SCN8A: variants seen among roughly 807,000 people sequenced by gnomAD.
The protein encoded by SCN8A is sodium voltage-gated channel alpha subunit 8.
SCN8A carries 30 observed loss-of-function variants against 184.1 expected under a neutral mutation model. The ratio of observed to expected loss-of-function variants is 0.16; its 90% CI spans 0.12 to 0.22. The LOEUF (loss-of-function observed/expected upper bound fraction) is 0.22, where lower values mean the gene tolerates loss of function less well. Ranked by LOEUF, SCN8A falls within the 10% of genes least tolerant of loss-of-function variation. The pLI is 1.00. For missense variants in SCN8A, 1,057 were observed against 2,498.9 expected, an observed-to-expected ratio of 0.42 and a Z score of 12.30; for synonymous variants, 852 against 907.0, an observed-to-expected ratio of 0.94 and a Z score of 1.09.
At chr12:51,647,110 G>A (rs1940608169) in intron 1 of SCN8A, among the ~76,000 whole-genome samples, 1 of 152,178 alleles carries the variant, frequency 6.6e-6, no homozygotes, top group Non-Finnish European at 1.5e-5. Context: ...TTGGGAGGCT[G>A]AGGCAGGAGG....
At chr12:51,642,472 T>G (rs1249207330) in intron 1 of SCN8A, among the ~76,000 whole-genome samples, 2 of 152,210 alleles carry the variant, frequency 1.3e-5, no homozygotes, top group African/African-American at 4.8e-5. Flanking sequence ...GTTTGCAATT[T>G]GTCACTCTGT....
intron 12 of SCN8A, among the ~76,000 whole-genome samples, chr12:51,727,809 A>G (rs1942179041): frequency 6.6e-6 from 1 of 152,156 alleles, no homozygotes; most frequent in African/African-American, 2.4e-5. Flanking sequence ...CTAAAATACA[A>G]AAATTAACCA....
chr12:51,745,514 G>A (rs1011703516), intron 12 of SCN8A, among the ~76,000 whole-genome samples: 6 of 152,184 alleles, frequency 3.9e-5, no homozygotes, highest in Non-Finnish European at 4.4e-5. Context: ...GACTTACTTC[G>A]TCATGTGGAC....
chr12:51,784,985 T>C (rs1938044397), intron 21 of SCN8A, among the ~76,000 whole-genome samples: 2 of 152,210 alleles, frequency 1.3e-5, no homozygotes, highest in African/African-American at 4.8e-5. Flanking sequence ...ATCTCCCACC[T>C]AAGGTCTGCT....
intron 12 of SCN8A, among the ~76,000 whole-genome samples, chr12:51,739,345 G>A (rs866574219): frequency 4.6e-5 from 7 of 152,026 alleles, no homozygotes; most frequent in African/African-American, 1.5e-4. Flanking sequence ...TCGAGGTGCC[G>A]CTCGAAGAGT....
At position 51,762,550 on chromosome 12, in the gene SCN8A, C is replaced by T; in HGVS notation, c.2418C>T (p.Ala806=). ...CGGAAATGTTCCTGAAGCTCATAGC[C>T]ATGGATCCCTACTATTATTTCCAAG... is the stretch of plus-strand genomic sequence containing the variant. ...FTAEMFLKLI[A]MDPYYYFQEG... The change falls in exon 15 of 27, where the codon GCC becomes GCT. Residue 806 remains alanine (A), a synonymous_variant. Coordinates refer to ENST00000627620, the MANE Select transcript of SCN8A (RefSeq NM_001330260.2). The T allele has an allele frequency of 2.5e-6, 4 of 1,613,670 alleles. No homozygotes were observed. Among genetic ancestry groups the T allele is most frequent in the South Asian group, 1.1e-5 (1 of 91,016 alleles).
intron 12 of SCN8A, among the ~76,000 whole-genome samples, chr12:51,738,615 C>G (rs1016935909): frequency 6.6e-6 from 1 of 152,190 alleles, no homozygotes; most frequent in Non-Finnish European, 1.5e-5. Flanking sequence ...CACTTTTTCC[C>G]ATTCCCACAT....
chr12:51,648,046 TG>T (rs1490195754), intron 1 of SCN8A, among the ~76,000 whole-genome samples: 39 of 17,826 alleles, frequency 2.2e-3, no homozygotes, highest in Non-Finnish European at 0.015. Context: ...TGCTGCAAAC[TG>T]GCCTCTGGGG....
chr12:51,798,191 A>G lies in SCN8A; in HGVS notation c.4795+3550A>G, dbSNP rs1938459167. 4.6e-5 allele frequency among the ~76,000 whole-genome samples: 7 copies of G among 152,346 alleles called. No homozygotes were observed. The South Asian group carries it at 1.2e-3, about 27-fold the overall frequency. ...ATGCTATCAATCCAGCTGCTTCAAG[A>G]TGATGAGGAACATGGTAACACCAGT... is the stretch of plus-strand genomic sequence containing the variant. On this transcript the variant is annotated intron_variant, in intron 26 of 26. Transcript: ENST00000627620.
At chr12:51,742,146 CTA>C (rs938131001) in intron 12 of SCN8A, among the ~76,000 whole-genome samples, 3 of 152,138 alleles carry the variant, frequency 2.0e-5, no homozygotes, top group African/African-American at 4.8e-5. Context: ...TCTTATTGTA[CTA>C]TGTCTTGAAA....
chr12:51,605,044 C>A (rs72644889), intron 1 of SCN8A, among the ~76,000 whole-genome samples: 1 of 152,054 alleles, frequency 6.6e-6, no homozygotes. Context: ...TCCCCTCTTC[C>A]TTTCCATATG....
chr12:51,774,265 A>C lies in SCN8A; in HGVS notation c.3722A>C (p.Tyr1241Ser). The C allele has an allele frequency of 6.2e-7, 1 of 1,614,122 alleles. No homozygotes were observed. Among genetic ancestry groups the C allele is most frequent in the Non-Finnish European group, 8.5e-7 (1 of 1,179,976 alleles). ...GAATATGCTGACAAAGTCTTCACCTATATCTTCATCCTGGAGATGTTGCTC... is the reference window on the plus strand; with the variant it reads ...GAATATGCTGACAAAGTCTTCACCTCTATCTTCATCCTGGAGATGTTGCTC... Reference protein sequence around the residue: ...ILEYADKVFTYIFILEMLLKW... With the variant: ...ILEYADKVFTSIFILEMLLKW... The change falls in exon 20 of 27, where the codon TAT (tyrosine) becomes TCT (serine). Residue 1241 changes from tyrosine to serine, a missense_variant. Transcript: ENST00000627620.
At chr12:51,802,321 TG>T (rs1033382421) in intron 26 of SCN8A, among the ~76,000 whole-genome samples, 17 of 152,158 alleles carry the variant, frequency 1.1e-4, no homozygotes, top group African/African-American at 3.9e-4. Context: ...TTGCCACCAC[TG>T]GGGGTGAGGA....
intron 1 of SCN8A, among the ~76,000 whole-genome samples, chr12:51,603,424 A>G (rs1939513162): frequency 6.6e-6 from 1 of 152,136 alleles, no homozygotes; most frequent in African/African-American, 2.4e-5. Flanking sequence ...CAGTTTGTCA[A>G]CCTGTTCGTC....
chr12:51,721,793 G>A lies in SCN8A; in HGVS notation c.1883G>A (p.Arg628His), dbSNP rs763701191. The A allele has an allele frequency of 6.2e-7, 1 of 1,609,996 alleles. No individual in the cohort carries two copies. The highest frequency in any genetic ancestry group is 8.5e-7 in the Non-Finnish European group (1 of 1,179,254). Residue 628 changes from arginine to histidine, a missense_variant, in exon 12 of 27, where the codon CGC (arginine) becomes CAC (histidine). Around this residue, in one of 19 missense-constraint regions of SCN8A, gnomAD observed 322 missense variants for 390.1 expected, o/e 0.83. Coordinates refer to ENST00000627620, the MANE Select transcript of SCN8A (RefSeq NM_001330260.2). ...TACAGCCAGGGCAGCCGCTCCTCGC[G>A]CATCTTCCCCAGCCTGCGGCGCAGC... ...SGYSQGSRSS[R>H]IFPSLRRSVK...
intron 20 of SCN8A, among the ~76,000 whole-genome samples, chr12:51,778,441 C>T (rs535635093): frequency 1.3e-5 from 2 of 152,116 alleles, no homozygotes; most frequent in Non-Finnish European, 2.9e-5. Flanking sequence ...TGCACCACCA[C>T]GCCCAGCTAA....
At chr12:51,665,284 A>G (rs1941010861) in intron 2 of SCN8A, among the ~76,000 whole-genome samples, 1 of 152,190 alleles carries the variant, frequency 6.6e-6, no homozygotes, top group Non-Finnish European at 1.5e-5. Context: ...GGTGTCATTC[A>G]TTGGATAGGC....
intron 1 of SCN8A, among the ~76,000 whole-genome samples, chr12:51,651,835 A>C (rs140552296): frequency 0.011 from 1,600 of 152,324 alleles, 13 homozygotes; most frequent in Non-Finnish European, 0.016. Flanking sequence ...GATTGCAGTT[A>C]TCCTGCCAAT....
rs370660591 is a variant in SCN8A at position 51,591,748 on chromosome 12, A to T, written c.-55+389A>T. ...GGCCCCTAGCCGGCTTGCACTGGGAAGGGCAGCGCTGTCGGGATCTTCCTA... is the reference window on the plus strand; with the variant it reads ...GGCCCCTAGCCGGCTTGCACTGGGATGGGCAGCGCTGTCGGGATCTTCCTA... On this transcript the variant is annotated intron_variant, in intron 1 of 26. Coordinates refer to ENST00000627620, the MANE Select transcript of SCN8A (RefSeq NM_001330260.2). 3.9e-5 allele frequency among the ~76,000 whole-genome samples: 6 copies of T among 152,154 alleles called. No homozygotes were observed. The East Asian group carries it at 1.2e-3, about 30-fold the overall frequency.
Sources: gnomAD v4.1 joint callset for allele counts (sites outside exome capture counted in the v4.1 genomes callset) on GRCh38, gnomAD v4.1.1 for gene constraint, gnomAD v4.1.1 regional missense constraint, MANE v1.5 for transcripts, NCBI Gene and HGNC (gene_info 2026-07-23, HGNC 2026-07-21) for gene names.